SH3GLB2: variants seen among roughly 807,000 people sequenced by gnomAD.
SH3GLB2 encodes the protein SH3 domain containing GRB2 like, endophilin B2, also known as endophilin-B2.
Under a neutral mutation model 48.0 loss-of-function variants are expected in SH3GLB2, and 24 were observed. That is an observed-to-expected ratio of 0.50 (90% CI 0.36 to 0.70). The LOEUF (loss-of-function observed/expected upper bound fraction) is 0.70. SH3GLB2 is among the 30% of genes least tolerant of loss of function. SH3GLB2 has a pLI of 0.00. For synonymous variants in SH3GLB2, 227 were observed against 207.6 expected (o/e 1.09, Z -0.80); for missense variants, 425 against 516.0 (o/e 0.82, Z 1.71).
At position 129,014,076 on chromosome 9, in the gene SH3GLB2, T is replaced by C. The variant is rs1016875085; in HGVS notation, c.561+335A>G. 1 of 558,774 alleles carries C rather than the reference T, an allele frequency of 1.8e-6. No homozygotes were observed. Among genetic ancestry groups the C allele is most frequent in the Non-Finnish European group, 3.4e-6 (1 of 293,402 alleles). The allele number at this position is 558,774 out of a possible 1,614,324, so 34.6% of individuals were successfully genotyped here. ...TAGTAGAGTTAGTAAGAAGGTGCCA[T>C]GCCCGGGCAGAGCCGGGGACAGAGC... On this transcript the variant is annotated intron_variant, in intron 5 of 10. Coordinates refer to ENST00000372564, the MANE Select transcript of SH3GLB2 (RefSeq NM_020145.4). The surrounding 1 kb of genome is among the most constrained non-coding windows in gnomAD (Gnocchi z 4.1).
At chr9:129,012,518 G>C (rs1843185857) in intron 5 of SH3GLB2, 1 of 417,270 alleles carries the variant, frequency 2.4e-6, no homozygotes, top group Non-Finnish European at 4.2e-6. Context: ...TCAAGTGGCT[G>C]CAGGCACTGG....
Position 129,014,049 on chromosome 9 carries a change from A to T in SH3GLB2, c.561+362T>A. ...CCCTCGGCCTGACGTTCAAGCAGCAAGTAGTAGAGTTAGTAAGAAGGTGCC... is the reference window on the plus strand; with the variant it reads ...CCCTCGGCCTGACGTTCAAGCAGCATGTAGTAGAGTTAGTAAGAAGGTGCC... On this transcript the variant is annotated intron_variant, in intron 5 of 10. Coordinates refer to ENST00000372564, the MANE Select transcript of SH3GLB2 (RefSeq NM_020145.4). The surrounding 1 kb of genome is among the most constrained non-coding windows in gnomAD (Gnocchi z 4.1). 1 of 503,256 alleles carries T rather than the reference A, an allele frequency of 2.0e-6. No individual in the cohort carries two copies. The highest frequency in any genetic ancestry group is 3.9e-6 in the Non-Finnish European group (1 of 258,042). 31.2% of individuals were successfully genotyped at this position (503,256 alleles called of 1,614,324 possible). A position where few individuals can be genotyped will look rare whatever the true frequency, so the allele number is the denominator to read the frequency against.
intron 3 of SH3GLB2, 148 bp downstream of exon 3, chr9:129,020,943 C>T (rs201234913): frequency 9.8e-7 from 1 of 1,020,438 alleles, no homozygotes; most frequent in Non-Finnish European, 1.3e-6. Flanking sequence ...ATTTTTTACT[C>T]TTTTTTTCTG....
chr9:129,015,868 T>TA (rs753955453), intron 3 of SH3GLB2: 197 of 323,134 alleles, frequency 6.1e-4, no homozygotes, highest in Non-Finnish European at 7.7e-4. Context: ...ATCCTGTCTT[T>TA]AAAAAAAAGA....
intron 3 of SH3GLB2, among the ~76,000 whole-genome samples, chr9:129,018,589 AAG>A (rs1381954990): frequency 6.8e-6 from 1 of 146,346 alleles, no homozygotes; most frequent in Admixed American, 6.9e-5. Context: ...AAAAAAAAAA[AAG>A]AGTTAAGTTA....
At chr9:129,025,331 G>A (rs1324917559) in intron 1 of SH3GLB2, among the ~76,000 whole-genome samples, 1 of 151,746 alleles carries the variant, frequency 6.6e-6, no homozygotes, top group Non-Finnish European at 1.5e-5. Context: ...GGGAGGCCGA[G>A]GCAGGAGGAT....
Position 129,017,325 on chromosome 9 carries a change from C to T in SH3GLB2, c.335-2421G>A, listed in dbSNP as rs541835110. Among the ~76,000 whole-genome samples, 36 of 152,216 alleles carry T rather than the reference C, an allele frequency of 2.4e-4. No homozygotes were observed. The South Asian group carries it at 6.8e-3, about 29-fold the overall frequency. On this transcript the variant is annotated intron_variant, in intron 3 of 10. Transcript: ENST00000372564. ...CATACAAGCCTTGAACACTATTAAC[C>T]GATGTGGCCTCGCTGACACCTATAC...
At position 129,007,956 on chromosome 9, in the gene SH3GLB2, C is replaced by T. The variant is rs549386054; in HGVS notation, c.*728G>A. 1 of 152,388 alleles carries T rather than the reference C, an allele frequency of 6.6e-6. No homozygotes were observed. Among genetic ancestry groups the T allele is most frequent in the South Asian group, 2.1e-4 (1 of 4,830 alleles). 9.4% of individuals were successfully genotyped at this position (152,388 alleles called of 1,614,324 possible). On this transcript the variant is annotated 3_prime_UTR_variant, in exon 11 of 11. Transcript: ENST00000372564. ...GGCAGCCACAGGGCCCCTGCTCACT[C>T]TGTGGAAGAGTGGGGCAGAGGGTGA...
Position 129,007,565 on chromosome 9 carries a change from G to A in SH3GLB2, c.*1119C>T, listed in dbSNP as rs1471412174. ...AGGGTTTCTAGAATCAGGCTGCCTGGGCTTCAGTCCCTGCTTGGCCACTTG... is the reference window on the plus strand; with the variant it reads ...AGGGTTTCTAGAATCAGGCTGCCTGAGCTTCAGTCCCTGCTTGGCCACTTG... On this transcript the variant is annotated 3_prime_UTR_variant, in exon 11 of 11. Coordinates refer to ENST00000372564, the MANE Select transcript of SH3GLB2 (RefSeq NM_020145.4). 1 of 152,186 alleles carries A rather than the reference G, an allele frequency of 6.6e-6. No individual in the cohort carries two copies. Among genetic ancestry groups the A allele is most frequent in the Admixed American group, 6.6e-5 (1 of 15,266 alleles). 9.4% of individuals were successfully genotyped at this position (152,186 alleles called of 1,614,324 possible). A position where few individuals can be genotyped will look rare whatever the true frequency, so the allele number is the denominator to read the frequency against.
chr9:129,008,198 G>A lies in SH3GLB2; in HGVS notation c.*486C>T, dbSNP rs190860765. The A allele has an allele frequency of 4.1e-5, 7 of 172,152 alleles. No homozygotes were observed. Among genetic ancestry groups the A allele is most frequent in the Admixed American group, 1.7e-4 (3 of 18,110 alleles). The allele number at this position is 172,152 out of a possible 1,614,324, so 10.7% of individuals were successfully genotyped here. A position where few individuals can be genotyped will look rare whatever the true frequency, so the allele number is the denominator to read the frequency against. ...ATAGCACCGGAAGATGCTGCTCCGG[G>A]CCCAACACCAGCCCTGGCCAGGCTC... is the stretch of plus-strand genomic sequence containing the variant. On this transcript the variant is annotated 3_prime_UTR_variant, in exon 11 of 11. Coordinates refer to ENST00000372564, the MANE Select transcript of SH3GLB2 (RefSeq NM_020145.4).
rs1461493844 is a variant in SH3GLB2 at position 129,009,797 on chromosome 9, C to A, written c.813G>T (p.Met271Ile). The A allele has an allele frequency of 3.1e-6, 5 of 1,613,738 alleles. No homozygotes were observed. The East Asian group carries it at 1.1e-4, about 36-fold the overall frequency. ...TGCCCAGCTGCTTCTGCAAGTCCAG[C>A]ATGTGGCGGTAGCACTGTGCGTAGT... ...TTYYAQCYRH[M>I]LDLQKQLGRF... Residue 271 changes from methionine to isoleucine, a missense_variant, in exon 9 of 11, where the codon ATG (methionine) becomes ATT (isoleucine). Physicochemically the swap from Met to Ile is conservative, Grantham distance 10. Coordinates refer to ENST00000372564, the MANE Select transcript of SH3GLB2 (RefSeq NM_020145.4).
In SH3GLB2 at chr9:129,028,075, G is replaced by T; in HGVS notation, c.63+17C>A. 1 of 1,499,228 alleles carries T rather than the reference G, an allele frequency of 6.7e-7. No individual in the cohort carries two copies. The allele number at this position is 1,499,228 out of a possible 1,614,324, so 92.9% of individuals were successfully genotyped here. A position where few individuals can be genotyped will look rare whatever the true frequency, so the allele number is the denominator to read the frequency against. On this transcript the variant is annotated intron_variant, in intron 1 of 10. Transcript: ENST00000372564. ...CACATCCGGGCCCCCGGCGCACGGC[G>T]CGACGCCAGGCCTCACCTGCACCGC...
At chr9:129,018,509 G>A (rs1018189710) in intron 3 of SH3GLB2, among the ~76,000 whole-genome samples, 44 of 151,686 alleles carry the variant, frequency 2.9e-4, no homozygotes, top group African/African-American at 1.0e-3. Context: ...CCCAGGAGGC[G>A]GAGGTTGCAG....
chr9:129,021,019 AAAGG>A (rs1326036418), intron 3 of SH3GLB2, 68 bp downstream of exon 3: 2 of 1,357,222 alleles, frequency 1.5e-6, no homozygotes, highest in African/African-American at 1.5e-5. Context: ...TAAGTAAAAA[AAAGG>A]AAGGGAGGGA....
At chr9:129,022,178 C>T in intron 2 of SH3GLB2, 104 bp downstream of exon 2, 1 of 1,489,358 alleles carries the variant, frequency 6.7e-7, no homozygotes, top group African/African-American at 1.4e-5. Context: ...AGCTGAAACC[C>T]CGGCTGCAGC....
intron 6 of SH3GLB2, 40 bp downstream of exon 6, chr9:129,012,196 G>A (rs1442339023): frequency 5.9e-6 from 7 of 1,178,828 alleles, no homozygotes; most frequent in Non-Finnish European, 7.5e-6. Context: ...CGTGGGGAGA[G>A]AGGAGGACGA....
rs1007649948 is a variant in SH3GLB2, at chr9:129,010,657, G to A, written c.648+13C>T. The A allele has an allele frequency of 2.5e-6, 4 of 1,613,834 alleles. No homozygotes were observed. The Admixed American group carries it at 5.0e-5, about 20-fold the overall frequency. ...CTTCTTCCTCGAGCCCAGCCCCCCA[G>A]GCCCCAACTTACCTTGTCCACTTCA... On this transcript the variant is annotated intron_variant, in intron 7 of 10. Transcript: ENST00000372564.
chr9:129,020,332 G>C (rs1412692768), intron 3 of SH3GLB2, among the ~76,000 whole-genome samples: 1 of 151,750 alleles, frequency 6.6e-6, no homozygotes, highest in Non-Finnish European at 1.5e-5. Context: ...ACTTTGGGAG[G>C]CTGAGGCAGG....
At chr9:129,010,011 G>C (rs1325634759) in intron 8 of SH3GLB2, 109 bp downstream of exon 8, 1 of 1,383,906 alleles carries the variant, frequency 7.2e-7, no homozygotes, top group African/African-American at 1.4e-5. Flanking sequence ...TCCCCGGTGG[G>C]ACTTGCTCTG....
Sources: allele counts gnomAD v4.1 joint callset (sites outside exome capture counted in the v4.1 genomes callset), GRCh38; gene constraint gnomAD v4.1.1; non-coding constraint Gnocchi (gnomAD v3.1); transcripts MANE v1.5; gene names NCBI Gene and HGNC (gene_info 2026-07-23, HGNC 2026-07-21).